Variants in GDPD1 observed in about 807,000 individuals in gnomAD.
The protein encoded by GDPD1 is lysophospholipase D GDPD1.
A neutral mutation model predicts 45.1 loss-of-function variants in GDPD1; 28 were observed. The ratio of observed to expected loss-of-function variants is 0.62; its 90% CI spans 0.46 to 0.85. The LOEUF is 0.85. Ranked by LOEUF, GDPD1 falls within the 40% of genes least tolerant of loss-of-function variation. The pLI is 0.00. For missense variants in GDPD1, 256 were observed against 364.8 expected (o/e 0.70, Z 2.43); for synonymous variants, 139 against 131.4 (o/e 1.06, Z -0.40).
intron 2 of GDPD1, among the ~76,000 whole-genome samples, chr17:59,242,150 C>T (rs1890288188): frequency 6.6e-6 from 1 of 152,116 alleles, no homozygotes; most frequent in African/African-American, 2.4e-5. Flanking sequence ...GCAACCTCCA[C>T]TTCCTGGGTT....
intron 4 of GDPD1, among the ~76,000 whole-genome samples, chr17:59,255,642 C>G: frequency 6.9e-6 from 1 of 144,794 alleles, no homozygotes; most frequent in South Asian, 2.2e-4. Flanking sequence ...ACTTAGGAGG[C>G]TGAGGCAGGA....
At chr17:59,257,985 GGT>G in intron 6 of GDPD1, 145 bp downstream of exon 6, 8 of 449,210 alleles carry the variant, frequency 1.8e-5, no homozygotes, top group Non-Finnish European at 2.7e-5. Context: ...GGAGTGCAGT[GGT>G]GCAATCATAG....
At chr17:59,226,619 A>G (rs1245426567) in intron 1 of GDPD1, among the ~76,000 whole-genome samples, 1 of 152,184 alleles carries the variant, frequency 6.6e-6, no homozygotes, top group Non-Finnish European at 1.5e-5. Context: ...TTCAGATGGT[A>G]TTGTATATAA....
At chr17:59,234,058 G>A (rs1409380480) in intron 1 of GDPD1, among the ~76,000 whole-genome samples, 1 of 151,964 alleles carries the variant, frequency 6.6e-6, no homozygotes, top group African/African-American at 2.4e-5. Flanking sequence ...TTTGGATAAG[G>A]GATACTGAAC....
At chr17:59,228,645 A>G (rs2047065617) in intron 1 of GDPD1, among the ~76,000 whole-genome samples, 1 of 151,764 alleles carries the variant, frequency 6.6e-6, no homozygotes, top group South Asian at 2.1e-4. Context: ...AGCACTGTGA[A>G]GCTGAGGCAG....
At position 59,239,619 on chromosome 17, in the gene GDPD1, T is replaced by G. The variant is rs375456135; in HGVS notation, c.185+5085T>G. Among the ~76,000 whole-genome samples the G allele has an allele frequency of 3.0e-4, 45 of 152,208 alleles. No homozygotes were observed. The East Asian group carries it at 4.8e-3, about 16-fold the overall frequency. On this transcript the variant is annotated intron_variant, in intron 2 of 9. Coordinates refer to ENST00000284116, the MANE Select transcript of GDPD1 (RefSeq NM_182569.4). Reference sequence around the variant, plus strand: ...TAGATACACTTATTATTGTTCTAATTTTTTTATCTATTAGTTTGTCAATAA... The same window carrying G: ...TAGATACACTTATTATTGTTCTAATGTTTTTATCTATTAGTTTGTCAATAA...
chr17:59,255,446 T>G (rs1402656892), intron 4 of GDPD1, among the ~76,000 whole-genome samples: 1 of 148,652 alleles, frequency 6.7e-6, no homozygotes, highest in Non-Finnish European at 1.5e-5. Context: ...CTACAAAAAA[T>G]AAAATAAACA....
chr17:59,254,456 G>A (rs1791941379), intron 4 of GDPD1, among the ~76,000 whole-genome samples: 1 of 152,032 alleles, frequency 6.6e-6, no homozygotes, highest in African/African-American at 2.4e-5. Flanking sequence ...CTGGAGCTGA[G>A]GAGTTCAAGG....
chr17:59,251,691 A>C (rs2047255189), intron 4 of GDPD1, among the ~76,000 whole-genome samples: 1 of 152,032 alleles, frequency 6.6e-6, no homozygotes, highest in African/African-American at 2.4e-5. Flanking sequence ...CATTTGGAAC[A>C]GACTAATAAA....
In GDPD1 at chr17:59,272,822, G is replaced by C; in HGVS notation, c.808G>C (p.Ala270Pro). 1 of 1,613,700 alleles carries C rather than the reference G, an allele frequency of 6.2e-7. No homozygotes were observed. ...GAAAGCTTTGTTTGACCACCTAACTGCTCGAGGCATTCAAGTAAGTTTCTG... is the reference window on the plus strand; with the variant it reads ...GAAAGCTTTGTTTGACCACCTAACTCCTCGAGGCATTCAAGTAAGTTTCTG... Reference protein sequence around the residue: ...MRKALFDHLTARGIQVYIWVL... With the variant: ...MRKALFDHLTPRGIQVYIWVL... The change falls in exon 9 of 10, where the codon GCT (alanine) becomes CCT (proline). Residue 270 changes from alanine (A) to proline (P), a missense_variant. By Grantham distance (27) the Ala-to-Pro change is conservative. Coordinates refer to ENST00000284116, the MANE Select transcript of GDPD1 (RefSeq NM_182569.4).
chr17:59,223,544 A>C (rs1291701291), intron 1 of GDPD1, among the ~76,000 whole-genome samples: 1 of 152,198 alleles, frequency 6.6e-6, no homozygotes, highest in Non-Finnish European at 1.5e-5. Context: ...GGATAATAGC[A>C]ATCACTGGTC....
Position 59,270,235 on chromosome 17 carries a change from C to T in GDPD1, c.711-701C>T, listed in dbSNP as rs573526307. 5.3e-5 allele frequency among the ~76,000 whole-genome samples: 8 copies of T among 151,506 alleles called. No individual in the cohort carries two copies. In the South Asian group the frequency reaches 1.7e-3, roughly 32 times the overall value. ...TTGAGACAGAGTTTTACTTTGTCACCCAGGCTGGAGTGCAGTGGCGCAGTC... is the reference window on the plus strand; with the variant it reads ...TTGAGACAGAGTTTTACTTTGTCACTCAGGCTGGAGTGCAGTGGCGCAGTC... On this transcript the variant is annotated intron_variant, in intron 7 of 9. Transcript: ENST00000284116.
chr17:59,232,012 T>C (rs944261510), intron 1 of GDPD1, among the ~76,000 whole-genome samples: 10 of 152,190 alleles, frequency 6.6e-5, no homozygotes, highest in Non-Finnish European at 1.3e-4. Flanking sequence ...AAGATAAATT[T>C]GTGCATGTCT....
intron 7 of GDPD1, among the ~76,000 whole-genome samples, chr17:59,270,399 A>G (rs929155182): frequency 2.0e-5 from 3 of 151,282 alleles, no homozygotes; most frequent in Admixed American, 2.0e-4. Flanking sequence ...GGGTTTCACT[A>G]TGTTGGCCAG....
chr17:59,253,878 T>TA (rs1189781725), intron 4 of GDPD1, among the ~76,000 whole-genome samples: 2 of 152,048 alleles, frequency 1.3e-5, no homozygotes, highest in African/African-American at 4.8e-5. Context: ...GTGACAGCTC[T>TA]ATCACAACAA....
chr17:59,260,107 T>C (rs978131383), intron 6 of GDPD1, among the ~76,000 whole-genome samples: 20 of 137,484 alleles, frequency 1.5e-4, no homozygotes, highest in Non-Finnish European at 2.9e-4. Flanking sequence ...AAAATCCTAT[T>C]ATCTATAGCT....
intron 3 of GDPD1, among the ~76,000 whole-genome samples, chr17:59,247,723 G>A (rs1021672143): frequency 2.6e-5 from 4 of 151,694 alleles, no homozygotes; most frequent in African/African-American, 7.3e-5. Context: ...TCCGCCTCCC[G>A]GGTTCAAGAA....
chr17:59,228,168 T>C (rs1308377521), intron 1 of GDPD1, among the ~76,000 whole-genome samples: 1 of 73,012 alleles, frequency 1.4e-5, no homozygotes, highest in Admixed American at 1.3e-4. Context: ...AAAGACTCCA[T>C]CTAAAAAAAA....
intron 1 of GDPD1, among the ~76,000 whole-genome samples, chr17:59,232,390 C>T (rs2047097981): frequency 6.6e-6 from 1 of 150,936 alleles, no homozygotes; most frequent in African/African-American, 2.4e-5. Flanking sequence ...GCGGAGGTTA[C>T]GTTGAGCCGA....
Sources: gnomAD v4.1 joint callset for allele counts (sites outside exome capture counted in the v4.1 genomes callset) on GRCh38, gnomAD v4.1.1 for gene constraint, MANE v1.5 for transcripts, NCBI Gene and HGNC (gene_info 2026-07-23, HGNC 2026-07-21) for gene names.